GFRA2: variants seen among roughly 807,000 people sequenced by gnomAD.
GFRA2 encodes the protein GDNF family receptor alpha 2.
Under a neutral mutation model 48.3 loss-of-function variants are expected in GFRA2, and 17 were observed. That is an observed-to-expected ratio of 0.35 (90% CI 0.24 to 0.53). The LOEUF (loss-of-function observed/expected upper bound fraction) is 0.53, where lower values mean the gene tolerates loss of function less well. Among genes scored for constraint, GFRA2 ranks in the 20% least tolerant of loss-of-function variants. The probability of loss-of-function intolerance (pLI) is 0.93; values close to 1 mark genes in which losing one functional copy is unlikely to be tolerated. For missense variants in GFRA2, 660 were observed against 637.3 expected (o/e 1.04, Z -0.38); for synonymous variants, 305 against 257.2 (o/e 1.19, Z -1.78).
chr8:21,710,677 C>G (rs1002604054), intron 4 of GFRA2, among the ~76,000 whole-genome samples: 57 of 152,212 alleles, frequency 3.7e-4, no homozygotes, highest in African/African-American at 1.3e-3. Flanking sequence ...AGGTTATGAC[C>G]TACTTCTTTC....
At chr8:21,794,092 G>A (rs1391798692) in intron 2 of GFRA2, among the ~76,000 whole-genome samples, 3 of 151,850 alleles carry the variant, frequency 2.0e-5, no homozygotes, top group Admixed American at 2.0e-4. Flanking sequence ...AGCCTCAAGT[G>A]ATCCTCCTGC....
intron 4 of GFRA2, among the ~76,000 whole-genome samples, chr8:21,748,713 G>A (rs144369395): frequency 6.6e-6 from 1 of 152,052 alleles, no homozygotes; most frequent in Non-Finnish European, 1.5e-5. Flanking sequence ...CAGTTTTGTC[G>A]CAAGGATTAA....
chr8:21,810,110 G>C (rs192032328), intron 1 of GFRA2, among the ~76,000 whole-genome samples: 2 of 152,240 alleles, frequency 1.3e-5, no homozygotes, highest in East Asian at 3.9e-4. Flanking sequence ...AGCCTCACAG[G>C]CTCCATAAAA....
chr8:21,755,073 G>A (rs1296676066), intron 3 of GFRA2, among the ~76,000 whole-genome samples: 1 of 152,116 alleles, frequency 6.6e-6, no homozygotes, highest in Non-Finnish European at 1.5e-5. Context: ...GAGTGGGGGA[G>A]GAAGACGCAG....
At chr8:21,807,368 C>T (rs546180660) in intron 1 of GFRA2, among the ~76,000 whole-genome samples, 8 of 152,304 alleles carry the variant, frequency 5.3e-5, no homozygotes, top group South Asian at 2.1e-4. Context: ...CCTCACCAGA[C>T]GCCAGCACCA....
At chr8:21,742,720 G>A (rs926934032) in intron 4 of GFRA2, among the ~76,000 whole-genome samples, 4 of 152,190 alleles carry the variant, frequency 2.6e-5, no homozygotes, top group African/African-American at 9.7e-5. Flanking sequence ...ATGCTGGCTT[G>A]CATTCGGATT....
exon 1 of GFRA2, chr8:21,812,296 C>G (rs1322656020): frequency 6.6e-6 from 1 of 152,370 alleles, no homozygotes; most frequent in Admixed American, 6.5e-5. Flanking sequence ...GGCGCATTGT[C>G]CCGTTCCAAC....
At chr8:21,711,998 G>A (rs965415612) in intron 4 of GFRA2, among the ~76,000 whole-genome samples, 3 of 152,228 alleles carry the variant, frequency 2.0e-5, no homozygotes, top group African/African-American at 4.8e-5. Flanking sequence ...AGGGTTGGGG[G>A]TAAGGTCACA....
chr8:21,739,109 G>C (rs562709174), intron 4 of GFRA2, among the ~76,000 whole-genome samples: 14 of 152,302 alleles, frequency 9.2e-5, no homozygotes, highest in Non-Finnish European at 1.3e-4. Flanking sequence ...TGCTCCGAAG[G>C]GTTCCTCCTG....
chr8:21,787,008 A>G (rs1257958167), intron 1 of GFRA2, among the ~76,000 whole-genome samples: 2 of 151,822 alleles, frequency 1.3e-5, no homozygotes, highest in Admixed American at 1.3e-4. Flanking sequence ...ACACACACAC[A>G]CATACACAGT....
rs1807393042 is a variant in GFRA2, at chr8:21,788,393, G to A, written c.-234C>T. 7.5e-7 allele frequency: 1 copy of A among 1,334,394 alleles called. No homozygotes were observed. Among genetic ancestry groups the A allele is most frequent in the South Asian group, 2.0e-5 (1 of 51,128 alleles). 82.7% of individuals were successfully genotyped at this position (1,334,394 alleles called of 1,614,324 possible). On this transcript the variant is annotated 5_prime_UTR_variant, in exon 1 of 9. Coordinates refer to ENST00000524240, the MANE Select transcript of GFRA2 (RefSeq NM_001495.5). ...CTGCCTCTCGACGCCCCCCTTGCCCGCTACAATCAAATATACGCGTATCTG... is the reference window on the plus strand; with the variant it reads ...CTGCCTCTCGACGCCCCCCTTGCCCACTACAATCAAATATACGCGTATCTG...
At position 21,750,456 on chromosome 8, in the gene GFRA2, C is replaced by T; in HGVS notation, c.794+132G>A. 1.7e-6 allele frequency: 1 copy of T among 604,088 alleles called. No individual in the cohort carries two copies. Among genetic ancestry groups the T allele is most frequent in the Non-Finnish European group, 2.9e-6 (1 of 339,974 alleles). The allele number at this position is 604,088 out of a possible 1,614,324, so 37.4% of individuals were successfully genotyped here. Reference sequence around the variant, plus strand: ...TTGCACATGTCCAAGTCAGTTTTACCCTTTTTGACACCCTTTCTGCTGGAC... The same window carrying T: ...TTGCACATGTCCAAGTCAGTTTTACTCTTTTTGACACCCTTTCTGCTGGAC... On this transcript the variant is annotated intron_variant, in intron 4 of 8. Transcript: ENST00000524240. This position sits in a 1 kb window ranked among gnomAD's most constrained non-coding sequence, Gnocchi z 5.7.
intron 2 of GFRA2, among the ~76,000 whole-genome samples, chr8:21,800,923 G>A (rs1388887341): frequency 3.6e-5 from 4 of 110,770 alleles, no homozygotes; most frequent in Admixed American, 9.8e-5. Flanking sequence ...GAGACCTGGT[G>A]TCAAAAAAAA....
chr8:21,699,112 G>C (rs573061384), intron 7 of GFRA2, among the ~76,000 whole-genome samples: 1 of 152,164 alleles, frequency 6.6e-6, no homozygotes, highest in Non-Finnish European at 1.5e-5. Flanking sequence ...CCATGGTCCC[G>C]GCCCATGAGG....
chr8:21,714,246 CTTTTTTTTTTTT>C (rs10674628), intron 4 of GFRA2, among the ~76,000 whole-genome samples: 5 of 78,400 alleles, frequency 6.4e-5, no homozygotes, highest in Non-Finnish European at 1.1e-4. Flanking sequence ...GTCTGAAGTT[CTTTTTTTTTTTT>C]TTTTTTTTTT....
intron 7 of GFRA2, among the ~76,000 whole-genome samples, chr8:21,696,596 C>G (rs889818734): frequency 2.0e-5 from 3 of 152,108 alleles, no homozygotes; most frequent in Admixed American, 1.3e-4. Context: ...GCAAAGCAAC[C>G]AGCACACACC....
At chr8:21,703,580 G>T (rs940490239) in intron 6 of GFRA2, among the ~76,000 whole-genome samples, 25 of 152,162 alleles carry the variant, frequency 1.6e-4, no homozygotes, top group Non-Finnish European at 4.4e-5. Context: ...TGGGCTAGGC[G>T]TCTCCTCCTA....
chr8:21,731,506 G>T (rs1028782205), intron 4 of GFRA2, among the ~76,000 whole-genome samples: 2 of 151,826 alleles, frequency 1.3e-5, no homozygotes, highest in Non-Finnish European at 2.9e-5. Context: ...AAAGGGCTCC[G>T]GCAAAACAGC....
intron 4 of GFRA2, among the ~76,000 whole-genome samples, chr8:21,715,540 C>G (rs182989177): frequency 2.6e-4 from 40 of 152,162 alleles, no homozygotes; most frequent in Non-Finnish European, 5.0e-4. Flanking sequence ...AACTTCTGAC[C>G]TCATGATCCA....
Sources: gnomAD v4.1 joint callset for allele counts (sites outside exome capture counted in the v4.1 genomes callset) on GRCh38, gnomAD v4.1.1 for gene constraint, Gnocchi (gnomAD v3.1) non-coding constraint, MANE v1.5 for transcripts, NCBI Gene and HGNC (gene_info 2026-07-23, HGNC 2026-07-21) for gene names.